Variants in SLC25A26 observed in about 807,000 individuals in gnomAD.
SLC25A26 encodes solute carrier family 25 member 26, also known as mitochondrial S-adenosylmethionine carrier protein.
SLC25A26 carries 36 observed loss-of-function variants against 37.8 expected under a neutral mutation model. The observed-to-expected ratio is 0.95, with a 90% CI of 0.73 to 1.26. The LOEUF (loss-of-function observed/expected upper bound fraction) is 1.26, where lower values mean the gene tolerates loss of function less well. Ranked by LOEUF, SLC25A26 falls within the 50% of genes most tolerant of loss-of-function variation. The pLI is 0.00. For missense variants in SLC25A26, 390 were observed against 331.1 expected (o/e 1.18, Z -1.38); for synonymous variants, 129 against 122.5 (o/e 1.05, Z -0.35).
intron 8 of SLC25A26, 161 bp downstream of exon 8, chr3:66,369,703 T>C (rs1454060096): frequency 6.0e-6 from 1 of 166,848 alleles, no homozygotes; most frequent in African/African-American, 2.4e-5. Context: ...GATGGAACAA[T>C]GTCCCCAGTG....
rs367902266 is a variant in SLC25A26 at position 66,262,136 on chromosome 3, C to G, written c.386C>G (p.Ser129Cys). ...SASTRTFQIF[S>C]NILYEEGIQG... The stretch of plus-strand genomic sequence containing the variant: ...TCTACAAGAACATTTCAGATTTTCT[C>G]TAACATCTTATATGAAGAGGTGAGA... Residue 129 changes from serine to cysteine, a missense_variant, in exon 4 of 10, where the codon TCT becomes TGT. By Grantham distance (112) the Ser-to-Cys change is moderately radical. Coordinates refer to ENST00000354883, the MANE Select transcript of SLC25A26 (RefSeq NM_001379210.1). The G allele has an allele frequency of 4.5e-6, 7 of 1,560,344 alleles. No homozygotes were observed. The highest frequency in any genetic ancestry group is 1.4e-5 in the African/African-American group (1 of 73,664).
intron 3 of SLC25A26, among the ~76,000 whole-genome samples, chr3:66,244,512 G>A (rs2072733853): frequency 6.6e-6 from 1 of 152,196 alleles, no homozygotes; most frequent in Non-Finnish European, 1.5e-5. Flanking sequence ...AAAGAAGATA[G>A]ACTTTTTCAA....
chr3:66,341,444 G>C (rs375750135), intron 5 of SLC25A26, among the ~76,000 whole-genome samples: 34 of 152,066 alleles, frequency 2.2e-4, no homozygotes, highest in African/African-American at 8.0e-4. Flanking sequence ...TGATACATTA[G>C]GAGCCACTTC....
chr3:66,328,716 A>T (rs1162742354), intron 5 of SLC25A26, among the ~76,000 whole-genome samples: 1 of 152,176 alleles, frequency 6.6e-6, no homozygotes, highest in Non-Finnish European at 1.5e-5. Context: ...TTTCCTAGTT[A>T]GCAGTAAAAC....
At chr3:66,178,163 C>T (rs752325236) in intron 1 of SLC25A26, among the ~76,000 whole-genome samples, 5 of 152,188 alleles carry the variant, frequency 3.3e-5, no homozygotes, top group Non-Finnish European at 5.9e-5. Context: ...AGGCCTGCTA[C>T]TAGCTGTTGT....
intron 1 of SLC25A26, among the ~76,000 whole-genome samples, chr3:66,186,557 T>A (rs2070832061): frequency 6.6e-6 from 1 of 152,098 alleles, no homozygotes; most frequent in African/African-American, 2.4e-5. Flanking sequence ...ACCCTTAACC[T>A]GATCCTTATC....
chr3:66,310,587 G>A (rs1010179848), intron 5 of SLC25A26, among the ~76,000 whole-genome samples: 2 of 152,168 alleles, frequency 1.3e-5, no homozygotes, highest in African/African-American at 4.8e-5. Flanking sequence ...TCTTTGTGGT[G>A]TCAGTGGTCT....
intron 1 of SLC25A26, among the ~76,000 whole-genome samples, chr3:66,202,455 A>G (rs2071123570): frequency 6.6e-6 from 1 of 151,882 alleles, no homozygotes; most frequent in East Asian, 1.9e-4. Flanking sequence ...GGGTGCAGCA[A>G]ATGACCACAG....
intron 6 of SLC25A26, among the ~76,000 whole-genome samples, chr3:66,352,444 T>TG (rs1477639796): frequency 1.9e-5 from 2 of 104,710 alleles, no homozygotes; most frequent in Non-Finnish European, 3.9e-5. Flanking sequence ...TGTTTTTTGT[T>TG]TTTTTTTTTG....
chr3:66,337,912 A>G (rs1022982914), intron 5 of SLC25A26, among the ~76,000 whole-genome samples: 3 of 152,044 alleles, frequency 2.0e-5, no homozygotes, highest in Non-Finnish European at 2.9e-5. Context: ...TTTTTAGGTA[A>G]AATTCATATA....
At chr3:66,175,107 GTGTATA>G (rs1361292075) in intron 1 of SLC25A26, among the ~76,000 whole-genome samples, 291 of 80,536 alleles carry the variant, frequency 3.6e-3, no homozygotes, top group South Asian at 0.016. Flanking sequence ...ATATGTGTGT[GTGTATA>G]TATATATATA....
intron 5 of SLC25A26, among the ~76,000 whole-genome samples, chr3:66,285,994 T>C (rs1187926368): frequency 6.6e-6 from 1 of 152,254 alleles, no homozygotes; most frequent in Non-Finnish European, 1.5e-5. Flanking sequence ...ATATGCTTAT[T>C]TGGCATCCTT....
intron 5 of SLC25A26, among the ~76,000 whole-genome samples, chr3:66,287,470 C>T (rs934784973): frequency 6.6e-6 from 1 of 151,994 alleles, no homozygotes; most frequent in Non-Finnish European, 1.5e-5. Flanking sequence ...CTGAACATGC[C>T]TATTTTCTCT....
intron 5 of SLC25A26, among the ~76,000 whole-genome samples, chr3:66,291,880 G>C (rs964773536): frequency 3.3e-5 from 5 of 152,166 alleles, no homozygotes. Flanking sequence ...TTGTTGATCT[G>C]TCTAATATTG....
chr3:66,221,231 C>T (rs1205536292), intron 1 of SLC25A26, 104 bp downstream of exon 1: 2 of 1,279,504 alleles, frequency 1.6e-6, no homozygotes, highest in Non-Finnish European at 1.0e-6. Context: ...GCGGGCTGGA[C>T]TGTCCTCGGG....
intron 1 of SLC25A26, among the ~76,000 whole-genome samples, chr3:66,137,645 CAT>C (rs2069967135): frequency 1.3e-5 from 2 of 152,150 alleles, no homozygotes; most frequent in Admixed American, 1.3e-4. Context: ...CTAAGACACT[CAT>C]AGAGTCATTG....
Position 66,362,912 on chromosome 3 carries a change from T to G in SLC25A26, c.551T>G (p.Val184Gly). The change falls in exon 7 of 10, where the codon GTC becomes GGC. Residue 184 changes from valine to glycine, a missense_variant. By Grantham distance (109) the Val-to-Gly change is moderately radical (BLOSUM62 -3). Transcript: ENST00000354883. ...GTGGTGGATTCTTGGCAGTCAGCAG[T>G]CTGTGGAGCTTTTGCAGGTGCAAAG... ...DHVVDSWQSA[V>G]CGAFAGGFAA... 6.2e-7 allele frequency: 1 copy of G among 1,607,948 alleles called. No individual in the cohort carries two copies. Among genetic ancestry groups the G allele is most frequent in the Non-Finnish European group, 8.5e-7 (1 of 1,176,894 alleles).
At chr3:66,317,346 G>C (rs771811105) in intron 5 of SLC25A26, among the ~76,000 whole-genome samples, 6 of 152,044 alleles carry the variant, frequency 3.9e-5, no homozygotes, top group Non-Finnish European at 7.3e-5. Flanking sequence ...TTTTCTTTTA[G>C]CAGTCAGGCC....
chr3:66,238,585 G>T (rs1433920673), intron 2 of SLC25A26, among the ~76,000 whole-genome samples: 1 of 152,062 alleles, frequency 6.6e-6, no homozygotes, highest in Admixed American at 6.6e-5. Context: ...GTTTCACCAT[G>T]TTATCCCGAC....
Sources: allele counts gnomAD v4.1 joint callset (sites outside exome capture counted in the v4.1 genomes callset), GRCh38; gene constraint gnomAD v4.1.1; transcripts MANE v1.5; gene names NCBI Gene and HGNC (gene_info 2026-07-23, HGNC 2026-07-21).